The following KLHL4 variants were observed in gnomAD, a reference collection of about 807,000 sequenced individuals.
KLHL4 encodes kelch-like protein 4.
KLHL4 carries 17 observed loss-of-function variants against 45.8 expected under a neutral mutation model. That is an observed-to-expected ratio of 0.37 (90% CI 0.25 to 0.56). KLHL4 has a LOEUF of 0.56. Among genes scored for constraint, KLHL4 ranks in the 20% least tolerant of loss-of-function variants. The pLI is 0.79. For synonymous variants in KLHL4, 224 were observed against 189.9 expected, an observed-to-expected ratio of 1.18 and a Z score of -1.47; for missense variants, 544 against 544.9, an observed-to-expected ratio of 1.00 and a Z score of 0.02.
chrX:87,582,814 G>T (rs1321335848), intron 1 of KLHL4, among the ~76,000 whole-genome samples: 2 of 111,699 alleles, frequency 1.8e-5, no homozygotes, highest in East Asian at 5.7e-4. Flanking sequence ...CCCAAATAGT[G>T]AGCAGCAGCA....
chrX:87,597,686 T>A (rs11796121), intron 1 of KLHL4, among the ~76,000 whole-genome samples: 24,147 of 110,852 alleles, frequency 0.22, 1,991 homozygotes, highest in South Asian at 0.31. Context: ...AACTAAGGGC[T>A]ATACTAGGTG....
At chrX:87,580,912 C>T (rs888676125) in intron 1 of KLHL4, among the ~76,000 whole-genome samples, 12 of 111,933 alleles carry the variant, frequency 1.1e-4, no homozygotes, top group African/African-American at 3.6e-4. Context: ...CCTCCAGCCA[C>T]CCCCACTCAC....
At chrX:87,534,528 G>T (rs1487748586) in intron 1 of KLHL4, among the ~76,000 whole-genome samples, 2 of 111,156 alleles carry the variant, frequency 1.8e-5, no homozygotes, top group African/African-American at 6.5e-5. Context: ...TGTTGACCAG[G>T]CGGATGCTTA....
chrX:87,638,225 T>C (rs1256840614), intron 9 of KLHL4, among the ~76,000 whole-genome samples: 7 of 111,679 alleles, frequency 6.3e-5, no homozygotes, highest in Non-Finnish European at 1.3e-4. Flanking sequence ...GATGATTAGT[T>C]TGTGTTCCCA....
intron 1 of KLHL4, among the ~76,000 whole-genome samples, chrX:87,613,344 A>C (rs924486462): frequency 1.8e-5 from 2 of 111,707 alleles, no homozygotes; most frequent in Non-Finnish European, 3.8e-5. Context: ...CTAAATATTA[A>C]GAAATAAAAG....
intron 1 of KLHL4, among the ~76,000 whole-genome samples, chrX:87,530,088 T>A (rs1931216953): frequency 9.0e-6 from 1 of 111,057 alleles, no homozygotes; most frequent in Non-Finnish European, 1.9e-5. Context: ...TTCACTCTGA[T>A]GGTAGTTTCT....
chrX:87,520,322 T>G (rs1192169164), intron 1 of KLHL4, among the ~76,000 whole-genome samples: 1 of 112,154 alleles, frequency 8.9e-6, no homozygotes, highest in Admixed American at 9.5e-5. Context: ...TGCCATCCCC[T>G]CAATATGACT....
chrX:87,629,538 G>A (rs1923034581), intron 6 of KLHL4, among the ~76,000 whole-genome samples: 1 of 111,186 alleles, frequency 9.0e-6, no homozygotes, highest in South Asian at 3.7e-4. Flanking sequence ...ACATCTCTCA[G>A]TGTAAATCTT....
rs778186944 is a variant in KLHL4, at chrX:87,632,259, T to C, written c.1374T>C (p.His458=). The C allele has an allele frequency of 8.3e-7, 1 of 1,206,323 alleles. No individual in the cohort carries two copies. Among genetic ancestry groups the C allele is most frequent in the African/African-American group, 1.7e-5 (1 of 57,167 alleles). ...KYDLRTNSWL[H]IGTMNGRRLQ... is the part of the protein sequence containing the mutation. ...ACCTCAGGACCAACAGTTGGCTACA[T>C]ATTGGCACCATGAATGGCCGTAGGC... The change falls in exon 7 of 11, where the codon CAT becomes CAC. Residue 458 remains histidine, a synonymous_variant. Coordinates refer to ENST00000373119, the MANE Select transcript of KLHL4 (RefSeq NM_019117.5).
chrX:87,517,848 C>G lies in KLHL4; in HGVS notation c.-46C>G. On this transcript the variant is annotated 5_prime_UTR_variant, in exon 1 of 11. Coordinates refer to ENST00000373119, the MANE Select transcript of KLHL4 (RefSeq NM_019117.5). ...GAAAAACAAGAGATAACAAAGGCTCCGTTTCCTTTCTGTGAGAGAAGGCTT... is the reference window on the plus strand; with the variant it reads ...GAAAAACAAGAGATAACAAAGGCTCGGTTTCCTTTCTGTGAGAGAAGGCTT... 1 of 1,138,147 alleles carries G rather than the reference C, an allele frequency of 8.8e-7. No homozygotes were observed. Among genetic ancestry groups the G allele is most frequent in the Non-Finnish European group, 1.2e-6 (1 of 851,574 alleles). 93.8% of individuals were successfully genotyped at this position (1,138,147 alleles called of 1,213,427 possible).
intron 9 of KLHL4, 72 bp downstream of exon 9, chrX:87,635,847 T>C (rs1923248969): frequency 2.5e-6 from 2 of 815,536 alleles, no homozygotes; most frequent in Non-Finnish European, 3.4e-6. Flanking sequence ...AAAGATTTTT[T>C]TTCTTTTAAA....
chrX:87,626,237 G>A (rs1459214705), intron 6 of KLHL4, among the ~76,000 whole-genome samples: 2 of 111,284 alleles, frequency 1.8e-5, no homozygotes, highest in Non-Finnish European at 3.8e-5. Context: ...AACGTGTAAG[G>A]TATACATTGG....
intron 6 of KLHL4, among the ~76,000 whole-genome samples, chrX:87,627,663 A>T: frequency 9.0e-6 from 1 of 111,629 alleles, no homozygotes; most frequent in Non-Finnish European, 1.9e-5. Flanking sequence ...GTTTTATTGA[A>T]TTTTTATTGA....
intron 9 of KLHL4, among the ~76,000 whole-genome samples, chrX:87,644,577 A>G (rs1923569638): frequency 9.0e-6 from 1 of 111,580 alleles, no homozygotes; most frequent in Admixed American, 9.5e-5. Flanking sequence ...TATGGAACCA[A>G]AAAAGAGCCC....
At chrX:87,551,434 C>G (rs960001957) in intron 1 of KLHL4, among the ~76,000 whole-genome samples, 12 of 111,281 alleles carry the variant, frequency 1.1e-4, no homozygotes, top group Non-Finnish European at 7.6e-5. Context: ...CAAAAGCAAT[C>G]TACAAATTCA....
intron 1 of KLHL4, among the ~76,000 whole-genome samples, chrX:87,565,480 C>T (rs1478270535): frequency 3.6e-5 from 4 of 110,517 alleles, no homozygotes; most frequent in African/African-American, 1.3e-4. Flanking sequence ...GTAATCCCAG[C>T]ACTTTGGGAG....
rs761675267 is a variant in KLHL4, at chrX:87,551,608, T to TAGATAGATAGATAGAA, written c.422+33296_422+33297insTAGATAGATAGAAAGA. On this transcript the variant is annotated intron_variant, in intron 1 of 10. Coordinates refer to ENST00000373119, the MANE Select transcript of KLHL4 (RefSeq NM_019117.5). ...ATAGGTAGATAGATAGATAGATAGA[T>TAGATAGATAGATAGAA]AGAAATAGAAATCTTGTGTCATCAC... Among the ~76,000 whole-genome samples the TAGATAGATAGATAGAA allele has an allele frequency of 6.1e-4, 65 of 107,151 alleles. No homozygotes were observed. In the East Asian group the frequency reaches 6.1e-3, roughly 10 times the overall value. The allele number at this position is 107,151 out of a possible 115,157, so 93.0% of individuals were successfully genotyped here. A position where few individuals can be genotyped will look rare whatever the true frequency, so the allele number is the denominator to read the frequency against.
Position 87,620,654 on chromosome X carries a change from C to A in KLHL4, c.925-1557C>A, listed in dbSNP as rs192867822. Among the ~76,000 whole-genome samples the A allele has an allele frequency of 1.1e-3, 129 of 112,200 alleles. 2 individuals carry two copies. The South Asian group carries it at 0.046, about 40-fold the overall frequency. ...AGTTTTATATTTGTCTAAACTCTTT[C>A]ACAAAAATCATATCACTTATGAAAA... On this transcript the variant is annotated intron_variant, in intron 4 of 10. Coordinates refer to ENST00000373119, the MANE Select transcript of KLHL4 (RefSeq NM_019117.5).
At chrX:87,653,130 G>A (rs898727901) in intron 9 of KLHL4, among the ~76,000 whole-genome samples, 2 of 111,546 alleles carry the variant, frequency 1.8e-5, no homozygotes, top group African/African-American at 3.3e-5. Context: ...CACAACACGT[G>A]GGAATCATGG....
Sources: allele counts gnomAD v4.1 joint callset (sites outside exome capture counted in the v4.1 genomes callset), GRCh38; gene constraint gnomAD v4.1.1; transcripts MANE v1.5; gene names NCBI Gene and HGNC (gene_info 2026-07-23, HGNC 2026-07-21).